CFLAR: variants seen among roughly 807,000 people sequenced by gnomAD.
CFLAR encodes the protein CASP8 and FADD like apoptosis regulator, also known as CASP8 and FADD-like apoptosis regulator.
CFLAR carries 14 observed loss-of-function variants against 51.1 expected under a neutral mutation model. The ratio of observed to expected loss-of-function variants is 0.27; its 90% CI spans 0.18 to 0.43. CFLAR has a LOEUF of 0.43. CFLAR is among the 20% of genes least tolerant of loss of function. The probability of loss-of-function intolerance (pLI) is 1.00; values close to 1 mark genes in which losing one functional copy is unlikely to be tolerated. For synonymous variants in CFLAR, 210 were observed against 211.6 expected (o/e 0.99, Z 0.06); for missense variants, 390 against 566.5 (o/e 0.69, Z 3.16).
Position 201,127,680 on chromosome 2 carries a change from G to A in CFLAR, c.-137-2049G>A, listed in dbSNP as rs891777737. Among the ~76,000 whole-genome samples the A allele has an allele frequency of 6.9e-4, 105 of 152,106 alleles. 6 individuals are homozygous for A. Among genetic ancestry groups the A allele is most frequent in the Admixed American group, 6.6e-5 (1 of 15,262 alleles). Reference sequence around the variant, plus strand: ...TGAACTGCCTCCAGCATACACACACGCTGCTATTTTGTTGCATCTGAGTGG... The same window carrying A: ...TGAACTGCCTCCAGCATACACACACACTGCTATTTTGTTGCATCTGAGTGG... On this transcript the variant is annotated intron_variant, in intron 1 of 9. Transcript: ENST00000309955.
Position 201,160,953 on chromosome 2 carries a change from A to G in CFLAR, c.1304+11A>G. ...ACTGAGACAAGAAAGGTGAGCCCCC[A>G]GGAGGTGGTCAGTTCCGGACCACCT... On this transcript the variant is annotated intron_variant, in intron 9 of 9. Coordinates refer to ENST00000309955, the MANE Select transcript of CFLAR (RefSeq NM_003879.7). 1 of 1,604,366 alleles carries G rather than the reference A, an allele frequency of 6.2e-7. No homozygotes were observed. Among genetic ancestry groups the G allele is most frequent in the Non-Finnish European group, 8.5e-7 (1 of 1,172,342 alleles).
In CFLAR at chr2:201,169,697, A is replaced by G. The variant is rs1389563008; in HGVS notation, c.*5724A>G. On this transcript the variant is annotated 3_prime_UTR_variant, in exon 10 of 10. Coordinates refer to ENST00000309955, the MANE Select transcript of CFLAR (RefSeq NM_003879.7). ...TACAGAATGGGAGAACATTTTTGCA[A>G]TCTATCCATCTGACAAAGGTCTAAT... The G allele has an allele frequency of 1.3e-5, 2 of 152,218 alleles. No homozygotes were observed. The highest frequency in any genetic ancestry group is 4.8e-5 in the African/African-American group (2 of 41,454). The allele number at this position is 152,218 out of a possible 1,614,324, so 9.4% of individuals were successfully genotyped here.
chr2:201,140,035 C>A, intron 4 of CFLAR: 1 of 311,438 alleles, frequency 3.2e-6, no homozygotes, highest in Non-Finnish European at 6.5e-6. Context: ...CATGCTGCCG[C>A]GAGACCCCGC....
intron 6 of CFLAR, chr2:201,148,746 A>AG: frequency 5.0e-6 from 2 of 403,968 alleles, no homozygotes; most frequent in Non-Finnish European, 9.3e-6. Context: ...AGAACGGGGT[A>AG]GGGGAGAGCC....
intron 5 of CFLAR, among the ~76,000 whole-genome samples, chr2:201,143,834 C>T (rs1308576797): frequency 1.3e-5 from 2 of 151,758 alleles, no homozygotes; most frequent in Admixed American, 6.6e-5. Flanking sequence ...CAGTGGCAGG[C>T]GCCTATAATC....
At chr2:201,125,720 A>G (rs963055590) in intron 1 of CFLAR, among the ~76,000 whole-genome samples, 1 of 151,990 alleles carries the variant, frequency 6.6e-6, no homozygotes, top group Non-Finnish European at 1.5e-5. Context: ...GGAGCTGAAC[A>G]GAGTCTTCCT....
chr2:201,123,484 C>T (rs1276009780), intron 1 of CFLAR, among the ~76,000 whole-genome samples: 1 of 152,122 alleles, frequency 6.6e-6, no homozygotes, highest in Admixed American at 6.5e-5. Context: ...AATGCTGTGT[C>T]TTAACATGGC....
intron 6 of CFLAR, chr2:201,147,679 CCAA>C (rs1940487886): frequency 6.6e-6 from 1 of 152,066 alleles, no homozygotes; most frequent in African/African-American, 2.4e-5. Context: ...ACCAGCCTGA[CCAA>C]CACGGTGAAA....
chr2:201,138,413 T>A lies in CFLAR; in HGVS notation c.524-1944T>A. The A allele has an allele frequency of 1.3e-6, 1 of 790,380 alleles. No individual in the cohort carries two copies. The highest frequency in any genetic ancestry group is 2.4e-5 in the East Asian group (1 of 41,212). The allele number at this position is 790,380 out of a possible 1,614,324, so 49.0% of individuals were successfully genotyped here. A position where few individuals can be genotyped will look rare whatever the true frequency, so the allele number is the denominator to read the frequency against. ...GCAGGTGATAATGGCCACCAGCTCA[T>A]CGCGATCATTGACGATAGGCAGCTT... On this transcript the variant is annotated intron_variant, in intron 4 of 9. Coordinates refer to ENST00000309955, the MANE Select transcript of CFLAR (RefSeq NM_003879.7). This position sits in a 1 kb window ranked among gnomAD's most constrained non-coding sequence, Gnocchi z 4.0.
chr2:201,136,621 A>G, intron 4 of CFLAR: 3 of 1,423,782 alleles, frequency 2.1e-6, no homozygotes, highest in Non-Finnish European at 2.8e-6. Context: ...TGCATTCCTC[A>G]TTGTCTTTTA....
In CFLAR at chr2:201,116,464, T is replaced by A. The variant is rs1160971161; in HGVS notation, c.-155T>A. On this transcript the variant is annotated 5_prime_UTR_variant, in exon 1 of 10. Coordinates refer to ENST00000309955, the MANE Select transcript of CFLAR (RefSeq NM_003879.7). The surrounding 1 kb of genome is among the most constrained non-coding windows in gnomAD (Gnocchi z 4.8). ...GGCTGAGGTGGCAGCGGCAGGAGAG[T>A]CCGGCCGCGACAGGACGGTACGTGC... 3 of 151,834 alleles carry A rather than the reference T, an allele frequency of 2.0e-5. No homozygotes were observed. Among genetic ancestry groups the A allele is most frequent in the Admixed American group, 6.6e-5 (1 of 15,248 alleles). The allele number at this position is 151,834 out of a possible 1,614,324, so 9.4% of individuals were successfully genotyped here.
chr2:201,158,852 C>T (rs7582581), intron 8 of CFLAR, among the ~76,000 whole-genome samples: 62,255 of 139,136 alleles, frequency 0.45, 13,898 homozygotes, highest in Non-Finnish European at 0.5. Flanking sequence ...TTGCCCTCAT[C>T]ATTATTATTA....
chr2:201,136,571 G>C, intron 4 of CFLAR: 1 of 1,457,004 alleles, frequency 6.9e-7, no homozygotes. Context: ...TTTCTTCCTT[G>C]ATAAAAGGGA....
chr2:201,140,682 A>G, intron 5 of CFLAR: 1 of 381,758 alleles, frequency 2.6e-6, no homozygotes, highest in Non-Finnish European at 4.7e-6. Context: ...CTATCCAAAG[A>G]CAACCACTGT....
chr2:201,143,940 ACT>A (rs1016291996), intron 5 of CFLAR, among the ~76,000 whole-genome samples: 2 of 151,620 alleles, frequency 1.3e-5, no homozygotes, highest in East Asian at 1.9e-4. Flanking sequence ...ACAGAGTGAG[ACT>A]CTGTCTCAAA....
intron 5 of CFLAR, among the ~76,000 whole-genome samples, chr2:201,142,976 A>G (rs1939288141): frequency 6.6e-6 from 1 of 152,158 alleles, no homozygotes; most frequent in African/African-American, 2.4e-5. Flanking sequence ...TAATGAGAAA[A>G]AGCAGATTTA....
chr2:201,134,698 A>C (rs562109767), intron 3 of CFLAR, among the ~76,000 whole-genome samples: 1 of 151,692 alleles, frequency 6.6e-6, no homozygotes, highest in African/African-American at 2.4e-5. Flanking sequence ...ATATAAAATA[A>C]AATAACATTC....
At chr2:201,119,366 CAG>C (rs2047940650) in intron 1 of CFLAR, among the ~76,000 whole-genome samples, 1 of 152,158 alleles carries the variant, frequency 6.6e-6, no homozygotes, top group African/African-American at 2.4e-5. Flanking sequence ...CGAGTCAAGG[CAG>C]TTTAGACAAG....
At position 201,141,339 on chromosome 2, in the gene CFLAR, C is replaced by A. The variant is rs1380389790; in HGVS notation, c.606+900C>A. The A allele has an allele frequency of 3.2e-6, 5 of 1,547,306 alleles. No homozygotes were observed. The South Asian group carries it at 4.8e-5, about 15-fold the overall frequency. ...TGTAACTATCCAGAGATAGTCTACA[C>A]ATATATTTCATTTTTGCTTTTTTCT... On this transcript the variant is annotated intron_variant, in intron 5 of 9. Transcript: ENST00000309955.
Sources: allele counts gnomAD v4.1 joint callset (sites outside exome capture counted in the v4.1 genomes callset), GRCh38; gene constraint gnomAD v4.1.1; non-coding constraint Gnocchi (gnomAD v3.1); transcripts MANE v1.5; gene names NCBI Gene and HGNC (gene_info 2026-07-23, HGNC 2026-07-21).